Variants in DCTN2 observed in about 807,000 individuals in gnomAD.
DCTN2 encodes the protein dynactin subunit 2.
In DCTN2, 18 loss-of-function variants were observed where a neutral mutation model predicts 55.4. That is an observed-to-expected ratio of 0.32 (90% confidence interval 0.22 to 0.48). The LOEUF is 0.48. Among genes scored for constraint, DCTN2 ranks in the 20% least tolerant of loss-of-function variants. The pLI is 0.99. For missense variants in DCTN2, 390 were observed against 491.0 expected, an observed-to-expected ratio of 0.79 and a Z score of 1.94; for synonymous variants, 168 against 185.2, an observed-to-expected ratio of 0.91 and a Z score of 0.76.
At chr12:57,537,362 G>GAAAAAAAA (rs56278180) in intron 2 of DCTN2, among the ~76,000 whole-genome samples, 1 of 58,150 alleles carries the variant, frequency 1.7e-5, no homozygotes, top group Non-Finnish European at 4.0e-5. Flanking sequence ...AGAGAGAAAA[G>GAAAAAAAA]AAAAAAAAAA....
chr12:57,535,962 A>T (rs1880199473), intron 2 of DCTN2, 117 bp from the exon 3 acceptor site: 1 of 793,008 alleles, frequency 1.3e-6, no homozygotes, highest in Non-Finnish European at 2.1e-6. Flanking sequence ...AAGGGGAAAG[A>T]AGGGTGGCTC....
At chr12:57,542,537 G>A (rs931769915) in intron 2 of DCTN2, among the ~76,000 whole-genome samples, 5 of 152,080 alleles carry the variant, frequency 3.3e-5, no homozygotes, top group Admixed American at 6.5e-5. Flanking sequence ...CTGGAGACCC[G>A]GCTGGCATGG....
rs1880144652 is a variant in DCTN2 at position 57,535,377 on chromosome 12, CAG to C, written c.264+105_264+106del. The C allele has an allele frequency of 2.1e-6, 3 of 1,414,956 alleles. No individual in the cohort carries two copies. In the East Asian group the frequency reaches 6.9e-5, roughly 32 times the overall value. 87.7% of individuals were successfully genotyped at this position (1,414,956 alleles called of 1,614,324 possible). On this transcript the variant is annotated intron_variant, in intron 4 of 13. Coordinates refer to ENST00000548249, the MANE Select transcript of DCTN2 (RefSeq NM_001261413.2). ...CTGCATCCTGCTGCTTCCTCAGGAA[CAG>C]AGGAGGAACAGAATCCCGCCTGTAT... is the stretch of plus-strand genomic sequence containing the variant.
intron 2 of DCTN2, among the ~76,000 whole-genome samples, chr12:57,539,222 G>C (rs747845713): frequency 1.3e-5 from 2 of 152,322 alleles, no homozygotes; most frequent in East Asian, 3.9e-4. Context: ...CAAGGGAAGA[G>C]GCAGAGCTGC....
At chr12:57,543,824 T>A (rs1269278092) in intron 2 of DCTN2, 3 of 1,289,702 alleles carry the variant, frequency 2.3e-6, no homozygotes, top group Non-Finnish European at 3.0e-6. Context: ...CTGGGCAACA[T>A]GCCACAGGAA....
At position 57,543,631 on chromosome 12, in the gene DCTN2, C is replaced by G. The variant is rs531578657; in HGVS notation, c.105+2397G>C. 9.8e-5 allele frequency among the ~76,000 whole-genome samples: 15 copies of G among 152,288 alleles called. No homozygotes were observed. The South Asian group carries it at 2.9e-3, about 29-fold the overall frequency. Reference sequence around the variant, plus strand: ...CAAGCCCCATAGGGACATGCGGGGGCCAGAGACATTAGCTGACATCAGGAA... The same window carrying G: ...CAAGCCCCATAGGGACATGCGGGGGGCAGAGACATTAGCTGACATCAGGAA... On this transcript the variant is annotated intron_variant, in intron 2 of 13. Coordinates refer to ENST00000548249, the MANE Select transcript of DCTN2 (RefSeq NM_001261413.2).
At chr12:57,541,340 A>T in intron 2 of DCTN2, 1 of 1,598,608 alleles carries the variant, frequency 6.3e-7, no homozygotes, top group South Asian at 1.1e-5. Flanking sequence ...AAACATGCAG[A>T]GAAGAAGCAT....
chr12:57,531,023 C>T (rs1382764952), intron 13 of DCTN2, among the ~76,000 whole-genome samples: 2 of 152,170 alleles, frequency 1.3e-5, no homozygotes, highest in African/African-American at 4.8e-5. Flanking sequence ...TTTTTAAAAT[C>T]TGTTTTATGT....
chr12:57,538,325 T>C, intron 2 of DCTN2: 1 of 646,818 alleles, frequency 1.5e-6, no homozygotes, highest in Non-Finnish European at 2.9e-6. Flanking sequence ...CAGTAGCACC[T>C]ACTCCAGCAG....
At chr12:57,538,624 A>G in intron 2 of DCTN2, 1 of 696,984 alleles carries the variant, frequency 1.4e-6, no homozygotes, top group Admixed American at 2.0e-5. Context: ...AATTGTTATT[A>G]GCAAATTGTC....
At chr12:57,541,414 G>A (rs1565682944) in intron 2 of DCTN2, 1 of 1,597,946 alleles carries the variant, frequency 6.3e-7, no homozygotes, top group Non-Finnish European at 8.5e-7. Flanking sequence ...GATGGGGGAA[G>A]CATTAGGAAA....
chr12:57,538,165 G>A (rs1441394867), intron 2 of DCTN2: 4 of 392,178 alleles, frequency 1.0e-5, no homozygotes, highest in South Asian at 2.1e-5. Flanking sequence ...ACACATAGAC[G>A]GTGAGTCTCA....
Position 57,532,651 on chromosome 12 carries a change from C to A in DCTN2, c.853-8G>T. On this transcript the variant is annotated splice_region_variant and splice_polypyrimidine_tract_variant and intron_variant, in intron 10 of 13. Coordinates refer to ENST00000548249, the MANE Select transcript of DCTN2 (RefSeq NM_001261413.2). ...CACCTTTCCCAGGACACTCTGAAAA[C>A]ACAGATTTTAAGGTTGATAGGGCAT... 6.2e-7 allele frequency: 1 copy of A among 1,613,962 alleles called. No homozygotes were observed.
In DCTN2 at chr12:57,533,936, A is replaced by G. The variant is rs924806090; in HGVS notation, c.669+17T>C. On this transcript the variant is annotated intron_variant, in intron 7 of 13. Transcript: ENST00000548249. ...ATCTCCCCTTGGCTTCCCAACCAAC[A>G]CTGTATCCACACTTACTTTGGCAGC... 7 of 1,593,696 alleles carry G rather than the reference A, an allele frequency of 4.4e-6. No individual in the cohort carries two copies. The highest frequency in any genetic ancestry group is 3.5e-4 in the Middle Eastern group (2 of 5,684).
At chr12:57,535,946 T>C in intron 2 of DCTN2, 101 bp from the exon 3 acceptor site, 3 of 909,196 alleles carry the variant, frequency 3.3e-6, no homozygotes, top group Non-Finnish European at 5.2e-6. Flanking sequence ...TGGGCCCTAC[T>C]TGTCCAAGGG....
intron 1 of DCTN2, 36 bp from the exon 2 acceptor site, chr12:57,546,132 C>G: frequency 6.2e-7 from 1 of 1,600,554 alleles, no homozygotes; most frequent in Non-Finnish European, 8.6e-7. Context: ...AACCTCACTA[C>G]CCAGCATCCA....
rs1156372916 is a variant in DCTN2, at chr12:57,534,067, C to T, written c.555G>A (p.Lys185=). The T allele has an allele frequency of 6.2e-7, 1 of 1,607,780 alleles. No individual in the cohort carries two copies. Among genetic ancestry groups the T allele is most frequent in the South Asian group, 1.1e-5 (1 of 90,066 alleles). Residue 185 remains lysine, a synonymous_variant, in exon 7 of 14, where the codon AAG becomes AAA. Transcript: ENST00000548249. Reference sequence around the variant, plus strand: ...TTCCCCCTGATCCCCCTTTGCTGTTCTTTGTTGCTTCCAGCTGCAGTAGTA... The same window carrying T: ...TTCCCCCTGATCCCCCTTTGCTGTTTTTTGTTGCTTCCAGCTGCAGTAGTA... ...KRLLLQLEAT[K]NSKGGSGGKT... is the part of the protein sequence containing the mutation.
chr12:57,535,032 AG>A, intron 5 of DCTN2, 23 bp downstream of exon 5: 1 of 1,572,190 alleles, frequency 6.4e-7, no homozygotes, highest in Non-Finnish European at 8.7e-7. Flanking sequence ...ACAGCAGAGA[AG>A]GGAGAAGAGA....
intron 2 of DCTN2, 193 bp from the exon 3 acceptor site, chr12:57,536,038 A>C (rs2140124582): frequency 1.7e-6 from 1 of 593,356 alleles, no homozygotes; most frequent in African/African-American, 1.9e-5. Flanking sequence ...TTGGAGCCTC[A>C]GTTGTATAAA....
Sources: allele counts gnomAD v4.1 joint callset (sites outside exome capture counted in the v4.1 genomes callset), GRCh38; gene constraint gnomAD v4.1.1; transcripts MANE v1.5; gene names NCBI Gene and HGNC (gene_info 2026-07-23, HGNC 2026-07-21).